Variants in NIPA2 observed in about 807,000 individuals in gnomAD.
NIPA2 encodes the protein NIPA magnesium transporter 2, also known as magnesium transporter NIPA2.
A neutral mutation model predicts 29.7 loss-of-function variants in NIPA2; 11 were observed. That is an observed-to-expected ratio of 0.37 (90% CI 0.23 to 0.61). The LOEUF is 0.61. Ranked by LOEUF, NIPA2 falls within the 20% of genes least tolerant of loss-of-function variation. The pLI, the probability that NIPA2 is intolerant of heterozygous loss-of-function variation, is 0.66. For synonymous variants in NIPA2, 183 were observed against 161.9 expected (o/e 1.13, Z -0.99); for missense variants, 426 against 437.9 (o/e 0.97, Z 0.24).
chr15:22,852,372 A>AGGAGGATGAG (rs2057819445), intron 4 of NIPA2, among the ~76,000 whole-genome samples: 1 of 151,640 alleles, frequency 6.6e-6, no homozygotes, highest in East Asian at 1.9e-4. Context: ...AGGATGAGGC[A>AGGAGGATGAG]GCAGAATCGC....
chr15:22,862,804 C>G (rs2058711324), intron 7 of NIPA2, among the ~76,000 whole-genome samples: 1 of 151,250 alleles, frequency 6.6e-6, no homozygotes, highest in Non-Finnish European at 1.5e-5. Flanking sequence ...TAAATTTCTT[C>G]TGGTAGGCAG....
chr15:22,860,702 C>G lies in NIPA2; in HGVS notation c.361C>G (p.Leu121Val), dbSNP rs374359813. The change falls in exon 7 of 8, where the codon CTA becomes GTA. Residue 121 changes from leucine (L) to valine (V), a missense_variant. Physicochemically the swap from Leu to Val is conservative, Grantham distance 32. This residue lies in a region of NIPA2 where 357 missense variants were observed against 339.8 expected (regional missense o/e 1.05). Coordinates refer to ENST00000337451, the MANE Select transcript of NIPA2 (RefSeq NM_030922.7). ...HGKIGCLLSILGSTVMVIHAP... is the reference protein window; with the variant it reads ...HGKIGCLLSIVGSTVMVIHAP... The stretch of plus-strand genomic sequence containing the variant: ...GAAAATTGGGTGTTTGCTAAGTATT[C>G]TAGGATCTACAGTTATGGTCATTCA... The G allele has an allele frequency of 1.2e-6, 2 of 1,600,658 alleles. No individual in the cohort carries two copies. The highest frequency in any genetic ancestry group is 1.7e-6 in the Non-Finnish European group (2 of 1,173,646).
At chr15:22,842,141 G>A (rs1897255528) in intron 2 of NIPA2, among the ~76,000 whole-genome samples, 1 of 152,162 alleles carries the variant, frequency 6.6e-6, no homozygotes, top group South Asian at 2.1e-4. Flanking sequence ...ATAACCCCAT[G>A]TGGGCTGTTG....
rs777860159 is a variant in NIPA2, at chr15:22,866,537, C to T, written c.773C>T (p.Thr258Ile). The T allele has an allele frequency of 2.3e-5, 37 of 1,613,712 alleles. No individual in the cohort carries two copies. The highest frequency in any genetic ancestry group is 2.8e-5 in the Non-Finnish European group (33 of 1,179,722). ...VTPIYYVFFT[T>I]SVLTCSAILF... ...CCAATATATTATGTATTCTTTACAA[C>T]ATCAGTTTTAACTTGTTCAGCTATT... The change falls in exon 8 of 8, where the codon ACA becomes ATA. Residue 258 changes from threonine (T) to isoleucine (I), a missense_variant. Physicochemically the swap from Thr to Ile is moderately conservative, Grantham distance 89. This residue lies in a region of NIPA2 where 357 missense variants were observed against 339.8 expected (regional missense o/e 1.05). Transcript: ENST00000337451.
At chr15:22,839,479 T>C (rs943065988) in intron 1 of NIPA2, among the ~76,000 whole-genome samples, 176 bp from the exon 2 acceptor site, 3 of 152,188 alleles carry the variant, frequency 2.0e-5, no homozygotes, top group East Asian at 1.9e-4. Flanking sequence ...AGAGGAAATA[T>C]CAGAGTCGAG....
chr15:22,839,872 A>G (rs1460337089), intron 2 of NIPA2, 82 bp downstream of exon 2: 3 of 152,208 alleles, frequency 2.0e-5, no homozygotes, highest in Non-Finnish European at 4.4e-5. Context: ...TTATAAGTAC[A>G]GTACTGCTTT....
intron 5 of NIPA2, among the ~76,000 whole-genome samples, chr15:22,856,366 A>C (rs1471269017): frequency 1.3e-5 from 2 of 151,912 alleles, no homozygotes; most frequent in African/African-American, 4.8e-5. Flanking sequence ...ATAATTTCCT[A>C]ATTAGTTAAA....
At chr15:22,865,260 G>C (rs1253791423) in intron 7 of NIPA2, among the ~76,000 whole-genome samples, 1 of 151,890 alleles carries the variant, frequency 6.6e-6, no homozygotes, top group Admixed American at 6.6e-5. Flanking sequence ...GCCAGAGCGG[G>C]TGGATCACGA....
intron 4 of NIPA2, 21 bp from the exon 5 acceptor site, chr15:22,853,191 G>C: frequency 6.4e-7 from 1 of 1,566,304 alleles, no homozygotes; most frequent in Non-Finnish European, 8.8e-7. Flanking sequence ...CCAAAGATGT[G>C]AAATATTTCT....
chr15:22,844,233 C>A (rs1376269337), intron 2 of NIPA2, among the ~76,000 whole-genome samples: 12 of 152,038 alleles, frequency 7.9e-5, no homozygotes, highest in Non-Finnish European at 1.6e-4. Context: ...AATGAAAGTT[C>A]ACATTACAAA....
In NIPA2 at chr15:22,853,310, T is replaced by C. The variant is rs375986968; in HGVS notation, c.196+42T>C. The C allele has an allele frequency of 2.6e-4, 325 of 1,243,418 alleles. 3 individuals carry two copies. In the South Asian group the frequency reaches 3.9e-3, roughly 15 times the overall value. The allele number at this position is 1,243,418 out of a possible 1,614,324, so 77.0% of individuals were successfully genotyped here. On this transcript the variant is annotated intron_variant, in intron 5 of 7. Transcript: ENST00000337451. ...TTGCAAGAAAAATATGATAGCTATA[T>C]ATTAAAATATTTGCATATGGTATTA...
chr15:22,844,289 G>C (rs1897965070), intron 2 of NIPA2, among the ~76,000 whole-genome samples: 1 of 152,092 alleles, frequency 6.6e-6, no homozygotes, highest in Non-Finnish European at 1.5e-5. Flanking sequence ...GGCCGGGAGT[G>C]GTGGTTCACT....
chr15:22,855,138 C>G (rs547755155), intron 5 of NIPA2, among the ~76,000 whole-genome samples: 4 of 152,068 alleles, frequency 2.6e-5, no homozygotes, highest in East Asian at 1.9e-4. Context: ...CTGGGCCGGG[C>G]GTGGTGGCTC....
At chr15:22,840,868 A>G (rs1246096438) in intron 2 of NIPA2, among the ~76,000 whole-genome samples, 1 of 152,184 alleles carries the variant, frequency 6.6e-6, no homozygotes, top group African/African-American at 2.4e-5. Flanking sequence ...TAATAGGTAA[A>G]TATGGTTTAC....
At position 22,851,728 on chromosome 15, in the gene NIPA2, C is replaced by A; in HGVS notation, c.-4C>A. The A allele has an allele frequency of 6.2e-7, 1 of 1,605,158 alleles. No individual in the cohort carries two copies. The highest frequency in any genetic ancestry group is 8.5e-7 in the Non-Finnish European group (1 of 1,177,274). ...TCACAGGAACTCCTTAAGTAACAAA[C>A]GAAATGAGCCAGGGGCGTGGAAAAT... is the stretch of plus-strand genomic sequence containing the variant. On this transcript the variant is annotated 5_prime_UTR_variant, in exon 4 of 8. Transcript: ENST00000337451.
In NIPA2 at chr15:22,867,112, C is replaced by T. The variant is rs1473680294; in HGVS notation, c.*265C>T. 1.0e-5 allele frequency: 5 copies of T among 481,474 alleles called. No homozygotes were observed. The highest frequency in any genetic ancestry group is 4.5e-5 in the South Asian group (1 of 22,212). The allele number at this position is 481,474 out of a possible 1,614,324, so 29.8% of individuals were successfully genotyped here. On this transcript the variant is annotated 3_prime_UTR_variant, in exon 8 of 8. Transcript: ENST00000337451. ...ACATTTTCATCCCTTCTCCAAAAGC[C>T]GAATGCACTAATGACAGTTTTAAGT... is the stretch of plus-strand genomic sequence containing the variant.
At chr15:22,849,263 C>T (rs140294230) in intron 3 of NIPA2, among the ~76,000 whole-genome samples, 337 of 150,518 alleles carry the variant, frequency 2.2e-3, no homozygotes, top group Middle Eastern at 6.8e-3. Context: ...GTGGGTAATA[C>T]CTTAGATTGT....
chr15:22,853,147 A>T, intron 4 of NIPA2, 65 bp from the exon 5 acceptor site: 1 of 1,059,942 alleles, frequency 9.4e-7, no homozygotes, highest in South Asian at 1.3e-5. Context: ...GTCATTACTA[A>T]TAGTTATAAT....
intron 4 of NIPA2, 80 bp downstream of exon 4, chr15:22,851,950 T>A: frequency 4.1e-6 from 5 of 1,210,636 alleles, no homozygotes; most frequent in Non-Finnish European, 4.7e-6. Context: ...GACCACATCT[T>A]CATTCCTCGT....
Sources: allele counts gnomAD v4.1 joint callset (sites outside exome capture counted in the v4.1 genomes callset), GRCh38; gene constraint gnomAD v4.1.1; regional missense constraint gnomAD v4.1.1; transcripts MANE v1.5; gene names NCBI Gene and HGNC (gene_info 2026-07-23, HGNC 2026-07-21).